The following CSMD1 variants were observed in gnomAD, a reference collection of about 807,000 sequenced individuals.
CSMD1 encodes the protein CUB and sushi domain-containing protein 1.
Under a neutral mutation model 417.5 loss-of-function variants are expected in CSMD1, and 213 were observed. The observed-to-expected ratio is 0.51, with a 90% CI of 0.46 to 0.57. The LOEUF (loss-of-function observed/expected upper bound fraction) is 0.57. CSMD1 is among the 20% of genes least tolerant of loss of function. CSMD1 has a pLI of 0.00. For synonymous variants in CSMD1, 2,862 were observed against 1,736.8 expected (o/e 1.65, Z -16.11); for missense variants, 6,923 against 4,529.7 (o/e 1.53, Z -15.17).
intron 12 of CSMD1, among the ~76,000 whole-genome samples, chr8:3,411,354 T>C (rs992814294): frequency 6.7e-6 from 1 of 148,956 alleles, no homozygotes; most frequent in African/African-American, 2.5e-5. Flanking sequence ...ACCTAACTAC[T>C]TCCTTTCCTT....
chr8:3,652,216 A>T (rs13272323), intron 7 of CSMD1, among the ~76,000 whole-genome samples: 1 of 150,238 alleles, frequency 6.7e-6, no homozygotes, highest in African/African-American at 2.5e-5. Flanking sequence ...CCACCATCAG[A>T]GCGCCATCAC....
intron 2 of CSMD1, among the ~76,000 whole-genome samples, chr8:4,636,960 A>G (rs1423373045): frequency 2.0e-5 from 3 of 152,158 alleles, no homozygotes; most frequent in South Asian, 2.1e-4. Flanking sequence ...AAACACACCA[A>G]TCAGCAGGAT....
intron 3 of CSMD1, among the ~76,000 whole-genome samples, chr8:4,089,561 G>A (rs907770383): frequency 2.0e-5 from 3 of 152,112 alleles, no homozygotes; most frequent in East Asian, 1.9e-4. Flanking sequence ...ATTCTGACTT[G>A]CATTACTTAG....
At chr8:2,951,505 T>C (rs1802632511) in intron 65 of CSMD1, among the ~76,000 whole-genome samples, 1 of 152,210 alleles carries the variant, frequency 6.6e-6, no homozygotes, top group South Asian at 2.1e-4. Context: ...TATGGGTTTC[T>C]TTTATTATTA....
chr8:3,926,022 C>CACACAA (rs1161092032), intron 5 of CSMD1, among the ~76,000 whole-genome samples: 4 of 116,164 alleles, frequency 3.4e-5, no homozygotes, highest in Non-Finnish European at 5.1e-5. Flanking sequence ...TATACACACA[C>CACACAA]ACACACACAC....
intron 58 of CSMD1, 127 bp downstream of exon 58, chr8:2,966,443 A>G: frequency 1.2e-6 from 1 of 829,716 alleles, no homozygotes; most frequent in South Asian, 2.2e-5. Context: ...TGTCACACAT[A>G]GTTTTCCCTT....
chr8:4,463,476 G>A (rs543488622), intron 2 of CSMD1, among the ~76,000 whole-genome samples: 30 of 152,126 alleles, frequency 2.0e-4, no homozygotes, highest in Non-Finnish European at 4.0e-4. Context: ...TTATAGCAGA[G>A]TTATTCATAA....
chr8:4,722,438 T>G (rs1584998929), intron 1 of CSMD1, among the ~76,000 whole-genome samples: 1 of 152,128 alleles, frequency 6.6e-6, no homozygotes, highest in African/African-American at 2.4e-5. Context: ...GCCTTCTAAG[T>G]GAAGTGAAAA....
intron 3 of CSMD1, among the ~76,000 whole-genome samples, chr8:4,096,278 T>C (rs183291234): frequency 3.3e-5 from 5 of 152,150 alleles, no homozygotes; most frequent in Admixed American, 2.0e-4. Flanking sequence ...AGCAGGCCCT[T>C]GGGATGCCAT....
chr8:4,686,125 G>A (rs568836937), intron 1 of CSMD1, among the ~76,000 whole-genome samples: 1 of 152,208 alleles, frequency 6.6e-6, no homozygotes, highest in South Asian at 2.1e-4. Flanking sequence ...GAAAATTTGA[G>A]ATGCCAAATT....
chr8:4,990,225 C>T (rs1445349446), intron 1 of CSMD1, among the ~76,000 whole-genome samples: 1 of 152,184 alleles, frequency 6.6e-6, no homozygotes, highest in East Asian at 1.9e-4. Flanking sequence ...TACATGAGTG[C>T]TCCAGAAGCA....
chr8:4,133,606 A>G (rs1803241627), intron 3 of CSMD1, among the ~76,000 whole-genome samples: 1 of 152,192 alleles, frequency 6.6e-6, no homozygotes, highest in Non-Finnish European at 1.5e-5. Flanking sequence ...CACATCTTTC[A>G]TGCTAAGCAT....
chr8:3,406,143 C>G lies in CSMD1; in HGVS notation c.2150G>C (p.Ser717Thr), dbSNP rs1812329134. 1.2e-6 allele frequency: 2 copies of G among 1,613,564 alleles called. No individual in the cohort carries two copies. Among genetic ancestry groups the G allele is most frequent in the Non-Finnish European group, 1.7e-6 (2 of 1,179,818 alleles). Residue 717 changes from serine (S) to threonine (T), a missense_variant, in exon 15 of 70, where the codon AGC (serine) becomes ACC (threonine). By Grantham distance (58) the Ser-to-Thr change is moderately conservative. Coordinates refer to ENST00000635120, the MANE Select transcript of CSMD1 (RefSeq NM_033225.6). ...ATCATCACAGTGGAAAGAAACCGAG[C>G]TCCCGAGTAGAAACCTGTCACCAAA... ...RRFGDRFLLG[S>T]SVSFHCDDGF... is the part of the protein sequence containing the mutation.
At chr8:4,815,447 G>A (rs530953514) in intron 1 of CSMD1, among the ~76,000 whole-genome samples, 4 of 152,168 alleles carry the variant, frequency 2.6e-5, no homozygotes, top group East Asian at 1.9e-4. Context: ...TATAATCCCA[G>A]CACTTTGGGA....
chr8:4,432,541 C>A (rs1016121106), intron 2 of CSMD1, among the ~76,000 whole-genome samples: 1 of 152,142 alleles, frequency 6.6e-6, no homozygotes, highest in Non-Finnish European at 1.5e-5. Flanking sequence ...TGTATTCTCA[C>A]AACATCCATA....
At chr8:3,648,933 T>C (rs1225104845) in intron 7 of CSMD1, among the ~76,000 whole-genome samples, 1 of 152,222 alleles carries the variant, frequency 6.6e-6, no homozygotes, top group African/African-American at 2.4e-5. Flanking sequence ...GCTATTTTTT[T>C]TTCTTTAACA....
intron 2 of CSMD1, among the ~76,000 whole-genome samples, chr8:4,627,863 T>A (rs981088412): frequency 5.9e-5 from 9 of 152,136 alleles, no homozygotes; most frequent in Non-Finnish European, 1.2e-4. Context: ...TTTTCACCCT[T>A]GGCATTTCTG....
chr8:3,785,874 G>C (rs142099014), intron 5 of CSMD1, among the ~76,000 whole-genome samples: 22 of 152,324 alleles, frequency 1.4e-4, no homozygotes, highest in African/African-American at 5.3e-4. Context: ...AGAGGGATAT[G>C]TCATGTTTGT....
intron 50 of CSMD1, among the ~76,000 whole-genome samples, chr8:3,052,192 G>A (rs755272655): frequency 2.0e-5 from 3 of 152,168 alleles, no homozygotes; most frequent in East Asian, 3.8e-4. Context: ...GAAAATGGCA[G>A]CACAGAATAG....
Sources: gnomAD v4.1 joint callset for allele counts (sites outside exome capture counted in the v4.1 genomes callset) on GRCh38, gnomAD v4.1.1 for gene constraint, MANE v1.5 for transcripts, NCBI Gene and HGNC (gene_info 2026-07-23, HGNC 2026-07-21) for gene names.